CEACAM1: variants seen among roughly 807,000 people sequenced by gnomAD.
CEACAM1 encodes the protein cell adhesion molecule CEACAM1.
In CEACAM1, 31 loss-of-function variants were observed where a neutral mutation model predicts 49.1. The ratio of observed to expected loss-of-function variants is 0.63; its 90% CI spans 0.47 to 0.85. The LOEUF is 0.85. Ranked by LOEUF, CEACAM1 falls within the 40% of genes least tolerant of loss-of-function variation. CEACAM1 has a pLI of 0.00. For synonymous variants in CEACAM1, 244 were observed against 247.8 expected (o/e 0.98, Z 0.14); for missense variants, 570 against 645.3 (o/e 0.88, Z 1.26).
Position 42,519,241 on chromosome 19 carries a change from G to A in CEACAM1, c.959-6C>T. On this transcript the variant is annotated splice_polypyrimidine_tract_variant and splice_region_variant and intron_variant, in intron 4 of 8. Transcript: ENST00000161559. ...TGCTACTACTGGACTTAGCTCTGTGGACAAGCAGAGTATCTGAGATAACCT... is the reference window on the plus strand; with the variant it reads ...TGCTACTACTGGACTTAGCTCTGTGAACAAGCAGAGTATCTGAGATAACCT... The A allele has an allele frequency of 6.2e-7, 1 of 1,613,662 alleles. No individual in the cohort carries two copies. The highest frequency in any genetic ancestry group is 8.5e-7 in the Non-Finnish European group (1 of 1,179,900).
intron 5 of CEACAM1, among the ~76,000 whole-genome samples, chr19:42,514,710 T>A (rs2041555407): frequency 6.6e-6 from 1 of 152,226 alleles, no homozygotes; most frequent in East Asian, 1.9e-4. Flanking sequence ...TGCTAAATGC[T>A]TTACATGTAT....
At chr19:42,518,830 T>C (rs1202442414) in intron 5 of CEACAM1, 118 bp downstream of exon 5, 17 of 1,203,242 alleles carry the variant, frequency 1.4e-5, no homozygotes, top group Non-Finnish European at 1.9e-5. Flanking sequence ...TTTGCAATTC[T>C]GTTTGCTATA....
At chr19:42,522,953 C>T (rs529200462) in intron 2 of CEACAM1, among the ~76,000 whole-genome samples, 14 of 152,318 alleles carry the variant, frequency 9.2e-5, no homozygotes, top group South Asian at 2.1e-4. Flanking sequence ...GCTCAGAGAC[C>T]GTGAGGCCGC....
At chr19:42,524,272 CAG>C (rs2041833709) in intron 2 of CEACAM1, among the ~76,000 whole-genome samples, 1 of 152,180 alleles carries the variant, frequency 6.6e-6, no homozygotes, top group Admixed American at 6.5e-5. Flanking sequence ...ACCCATCAGA[CAG>C]CACCTGCCTG....
In CEACAM1 at chr19:42,527,027, G is replaced by A. The variant is rs764240232; in HGVS notation, c.424+14C>T. ...TAACCCCCCAACACCCAGAGGTCAT[G>A]GGGAAATACTCACGGTATACATGGA... On this transcript the variant is annotated intron_variant, in intron 2 of 8. Transcript: ENST00000161559. 1 of 1,585,092 alleles carries A rather than the reference G, an allele frequency of 6.3e-7. No homozygotes were observed. Among genetic ancestry groups the A allele is most frequent in the South Asian group, 1.2e-5 (1 of 84,446 alleles).
intron 5 of CEACAM1, 35 bp downstream of exon 5, chr19:42,518,913 G>T: frequency 6.2e-7 from 1 of 1,608,170 alleles, no homozygotes; most frequent in Non-Finnish European, 8.5e-7. Flanking sequence ...AGTAATCCTA[G>T]AGGGACATAT....
Position 42,521,439 on chromosome 19 carries a change from G to C in CEACAM1, c.786C>G (p.Ala262=). 6.2e-7 allele frequency: 1 copy of C among 1,614,232 alleles called. No homozygotes were observed. Among genetic ancestry groups the C allele is most frequent in the Non-Finnish European group, 8.5e-7 (1 of 1,180,036 alleles). Residue 262 remains alanine (A), a synonymous_variant, in exon 4 of 9, where the codon GCC becomes GCG. Coordinates refer to ENST00000161559, the MANE Select transcript of CEACAM1 (RefSeq NM_001712.5). ...AGGAGTACTGTGCAGGTGGGTTAGA[G>C]GCTGCATAGCAGGAGAGGCTGAGGT... is the stretch of plus-strand genomic sequence containing the variant. ...GANLSLSCYA[A]SNPPAQYSWL...
At chr19:42,510,568 C>T (rs1407800063) in intron 8 of CEACAM1, among the ~76,000 whole-genome samples, 1 of 152,164 alleles carries the variant, frequency 6.6e-6, no homozygotes, top group Non-Finnish European at 1.5e-5. Context: ...CTCGTTTAAT[C>T]CCTTCAACTT....
In CEACAM1 at chr19:42,512,597, G is replaced by A. The variant is rs535284972; in HGVS notation, c.1247-118C>T. 3.6e-3 allele frequency: 3,647 copies of A among 1,006,270 alleles called. 8 individuals carry two copies. The highest frequency in any genetic ancestry group is 4.5e-3 in the Non-Finnish European group (3,070 of 682,672). The allele number at this position is 1,006,270 out of a possible 1,614,324, so 62.3% of individuals were successfully genotyped here. On this transcript the variant is annotated intron_variant, in intron 5 of 8. Transcript: ENST00000161559. Reference sequence around the variant, plus strand: ...TTGTTCCTTCAAGGAATACAGTTTCGTTGTGGGAAGGTTGCTGGAAGGTGA... The same window carrying A: ...TTGTTCCTTCAAGGAATACAGTTTCATTGTGGGAAGGTTGCTGGAAGGTGA...
chr19:42,515,740 G>T (rs540004586), intron 5 of CEACAM1, among the ~76,000 whole-genome samples: 1 of 152,182 alleles, frequency 6.6e-6, no homozygotes, highest in African/African-American at 2.4e-5. Flanking sequence ...AAAGAAAGAA[G>T]ATTCAAATTA....
At chr19:42,512,718 C>G (rs2041490813) in intron 5 of CEACAM1, among the ~76,000 whole-genome samples, 1 of 148,342 alleles carries the variant, frequency 6.7e-6, no homozygotes, top group Non-Finnish European at 1.5e-5. Context: ...TGCTCTGTCT[C>G]TCAGGCTGGA....
Position 42,510,894 on chromosome 19 carries a change from T to C in CEACAM1, c.1456A>G (p.Asn486Asp). Residue 486 changes from asparagine to aspartate, a missense_variant, in exon 8 of 9, where the codon AAC becomes GAC. By Grantham distance (23) the Asn-to-Asp change is conservative (BLOSUM62 1). Coordinates refer to ENST00000161559, the MANE Select transcript of CEACAM1 (RefSeq NM_001712.5). ...HTQDHSNDPPNKMNEVTYSTL... is the reference protein window; with the variant it reads ...HTQDHSNDPPDKMNEVTYSTL... ...TGAAAACCGGCTATGCTTACCTTGT[T>C]AGGTGGGTCATTGGAGTGGTCCTGA... is the stretch of plus-strand genomic sequence containing the variant. The C allele has an allele frequency of 6.2e-7, 1 of 1,613,846 alleles. No homozygotes were observed. The highest frequency in any genetic ancestry group is 8.5e-7 in the Non-Finnish European group (1 of 1,179,704).
rs765056757 is a variant in CEACAM1, at chr19:42,509,100, C to T, written c.*9G>A. On this transcript the variant is annotated 3_prime_UTR_variant, in exon 9 of 9. Transcript: ENST00000161559. ...TACATCAGCACTGCAGTGAGCAGGACAGGTTTCATTACTGCTTTTTTACTT... is the reference window on the plus strand; with the variant it reads ...TACATCAGCACTGCAGTGAGCAGGATAGGTTTCATTACTGCTTTTTTACTT... The T allele has an allele frequency of 1.1e-5, 18 of 1,614,068 alleles. No individual in the cohort carries two copies. In the South Asian group the frequency reaches 1.9e-4, roughly 17 times the overall value.
chr19:42,525,391 AT>A (rs199736806), intron 2 of CEACAM1, among the ~76,000 whole-genome samples: 3,998 of 151,014 alleles, frequency 0.026, 176 homozygotes, highest in African/African-American at 0.091. Context: ...TGCCCGACTA[AT>A]TTTTTTTGTA....
chr19:42,512,714 G>A (rs866598305), intron 5 of CEACAM1, among the ~76,000 whole-genome samples: 1 of 137,790 alleles, frequency 7.3e-6, no homozygotes, highest in Non-Finnish European at 1.5e-5. Flanking sequence ...GTCTTGCTCT[G>A]TCTCTCAGGC....
chr19:42,512,644 A>G (rs910332352), intron 5 of CEACAM1, among the ~76,000 whole-genome samples, 165 bp from the exon 6 acceptor site: 4 of 145,642 alleles, frequency 2.7e-5, no homozygotes, highest in Non-Finnish European at 1.5e-5. Flanking sequence ...TATCCTTGCA[A>G]TTTTTTTTTT....
intron 5 of CEACAM1, among the ~76,000 whole-genome samples, chr19:42,514,713 A>C (rs1465195611): frequency 6.6e-6 from 1 of 152,208 alleles, no homozygotes; most frequent in African/African-American, 2.4e-5. Context: ...TAAATGCTTT[A>C]CATGTATCTT....
chr19:42,509,195 CAAA>C lies in CEACAM1; in HGVS notation c.1492_1494del (p.Phe498del), dbSNP rs2041394725. The stretch of plus-strand genomic sequence containing the variant: ...GTTGGTTGTGTGGGTTGCTGGGCTT[CAAA>C]GTTCAGGGTAGAATAAGTAACTTCA... On this transcript the variant is annotated inframe_deletion, in exon 9 of 9. Transcript: ENST00000161559. 2 of 1,613,062 alleles carry C rather than the reference CAAA, an allele frequency of 1.2e-6. No homozygotes were observed. Among genetic ancestry groups the C allele is most frequent in the African/African-American group, 2.7e-5 (2 of 74,902 alleles).
intron 2 of CEACAM1, among the ~76,000 whole-genome samples, chr19:42,522,634 T>C (rs1568662905): frequency 6.6e-6 from 1 of 151,722 alleles, no homozygotes; most frequent in African/African-American, 2.4e-5. Context: ...CGATCTTGGC[T>C]CACTGCAACC....
Sources: gnomAD v4.1 joint callset for allele counts (sites outside exome capture counted in the v4.1 genomes callset) on GRCh38, gnomAD v4.1.1 for gene constraint, MANE v1.5 for transcripts, NCBI Gene and HGNC (gene_info 2026-07-23, HGNC 2026-07-21) for gene names.